Variants in AKAP10 observed in about 807,000 individuals in gnomAD.
AKAP10 encodes A-kinase anchor protein 10, mitochondrial.
AKAP10 carries 24 observed loss-of-function variants against 80.8 expected under a neutral mutation model. That is an observed-to-expected ratio of 0.30 (90% CI 0.22 to 0.42). The LOEUF (loss-of-function observed/expected upper bound fraction) is 0.42, where lower values mean the gene tolerates loss of function less well. Ranked by LOEUF, AKAP10 falls within the 10% of genes least tolerant of loss-of-function variation. The probability of loss-of-function intolerance (pLI) is 1.00; values close to 1 mark genes in which losing one functional copy is unlikely to be tolerated. For missense variants in AKAP10, 661 were observed against 794.9 expected (o/e 0.83, Z 2.03); for synonymous variants, 291 against 277.7 (o/e 1.05, Z -0.48).
At chr17:19,910,485 T>C (rs991156165) in intron 12 of AKAP10, among the ~76,000 whole-genome samples, 9 of 152,202 alleles carry the variant, frequency 5.9e-5, no homozygotes, top group African/African-American at 1.9e-4. Context: ...TAACAGAGCA[T>C]TTAACTTGCA....
At chr17:19,937,416 C>A (rs1045439441) in intron 8 of AKAP10, among the ~76,000 whole-genome samples, 1 of 152,062 alleles carries the variant, frequency 6.6e-6, no homozygotes, top group African/African-American at 2.4e-5. Context: ...GCAGGAGAAC[C>A]GCTTGAACCC....
intron 4 of AKAP10, among the ~76,000 whole-genome samples, chr17:19,952,519 T>C (rs537920943): frequency 6.6e-6 from 1 of 151,876 alleles, no homozygotes; most frequent in Non-Finnish European, 1.5e-5. Context: ...TACCCAACTA[T>C]ATGCTGCCTA....
intron 1 of AKAP10, among the ~76,000 whole-genome samples, chr17:19,970,548 C>T (rs903957547): frequency 1.3e-5 from 2 of 152,194 alleles, no homozygotes; most frequent in Non-Finnish European, 2.9e-5. Flanking sequence ...CCTGGCCAAG[C>T]GCAGTGGCTC....
intron 3 of AKAP10, among the ~76,000 whole-genome samples, chr17:19,962,054 T>G (rs1252247341): frequency 6.6e-6 from 1 of 152,110 alleles, no homozygotes; most frequent in Non-Finnish European, 1.5e-5. Context: ...AGGTGAAGGC[T>G]GCAGTGAACC....
intron 5 of AKAP10, among the ~76,000 whole-genome samples, chr17:19,942,221 T>C (rs1216697722): frequency 6.6e-6 from 1 of 152,128 alleles, no homozygotes; most frequent in Non-Finnish European, 1.5e-5. Context: ...AAGGTTACTA[T>C]CATTAAAATA....
intron 12 of AKAP10, among the ~76,000 whole-genome samples, chr17:19,918,469 G>A (rs192111924): frequency 2.6e-5 from 4 of 152,278 alleles, no homozygotes; most frequent in African/African-American, 7.2e-5. Flanking sequence ...GGAGGCGGGT[G>A]CACAGGCATG....
chr17:19,947,396 G>A lies in AKAP10; in HGVS notation c.976+11C>T, dbSNP rs781742939. The stretch of plus-strand genomic sequence containing the variant: ...CATTTTTTTTTTGCCATAGTTTCAA[G>A]CACTGCTTACCTATGATGTCATTTC... On this transcript the variant is annotated intron_variant, in intron 5 of 14. Coordinates refer to ENST00000225737, the MANE Select transcript of AKAP10 (RefSeq NM_007202.4). 6.4e-7 allele frequency: 1 copy of A among 1,574,206 alleles called. No individual in the cohort carries two copies. Among genetic ancestry groups the A allele is most frequent in the Non-Finnish European group, 8.7e-7 (1 of 1,148,138 alleles).
At chr17:19,971,099 C>G (rs1159864773) in intron 1 of AKAP10, among the ~76,000 whole-genome samples, 1 of 151,892 alleles carries the variant, frequency 6.6e-6, no homozygotes, top group Non-Finnish European at 1.5e-5. Context: ...GATCCTCCTG[C>G]CTCAGCCTCC....
chr17:19,953,439 AAAC>A (rs1230869863), intron 4 of AKAP10, among the ~76,000 whole-genome samples: 4 of 152,146 alleles, frequency 2.6e-5, no homozygotes, highest in Non-Finnish European at 5.9e-5. Context: ...ATTGAAAACA[AAAC>A]AACAGAAAAA....
chr17:19,912,261 A>T (rs2042699075), intron 12 of AKAP10, among the ~76,000 whole-genome samples: 1 of 152,148 alleles, frequency 6.6e-6, no homozygotes, highest in Non-Finnish European at 1.5e-5. Context: ...CTAAAAATAC[A>T]AAAATAGGCG....
chr17:19,936,462 A>T, intron 8 of AKAP10, 32 bp from the exon 9 acceptor site: 4 of 1,580,444 alleles, frequency 2.5e-6, no homozygotes, highest in Non-Finnish European at 3.5e-6. Context: ...AGTAAAATCA[A>T]ATTCCATAGC....
chr17:19,960,797 G>A (rs1298949451), intron 3 of AKAP10, among the ~76,000 whole-genome samples: 5 of 144,142 alleles, frequency 3.5e-5, no homozygotes, highest in African/African-American at 7.8e-5. Context: ...AGGCCGAGGC[G>A]GGCTGATCAC....
In AKAP10 at chr17:19,911,835, CAAAAAAAAAAAAAAAA is replaced by C. The variant is rs71157844; in HGVS notation, c.1835-1873_1835-1858del. ...CGGCAACAAGAGCAAAACTCTGTCACAAAAAAAAAAAAAAAAAAAAAAAAAAAAAAAAAAGAAATCT... is the reference window on the plus strand; with the variant it reads ...CGGCAACAAGAGCAAAACTCTGTCACAAAAAAAAAAAAAAAAAAGAAATCT... On this transcript the variant is annotated intron_variant, in intron 12 of 14. Coordinates refer to ENST00000225737, the MANE Select transcript of AKAP10 (RefSeq NM_007202.4). Among the ~76,000 whole-genome samples the C allele has an allele frequency of 8.9e-3, 489 of 55,032 alleles. 4 individuals are homozygous for C. Among genetic ancestry groups the C allele is most frequent in the African/African-American group, 0.018 (337 of 19,108 alleles). 36.1% of individuals were successfully genotyped at this position (55,032 alleles called of 152,430 possible). A position where few individuals can be genotyped will look rare whatever the true frequency, so the allele number is the denominator to read the frequency against.
chr17:19,912,985 T>C (rs1273090958), intron 12 of AKAP10, among the ~76,000 whole-genome samples: 1 of 151,692 alleles, frequency 6.6e-6, no homozygotes, highest in Non-Finnish European at 1.5e-5. Context: ...TTCTTTCTTT[T>C]TTTTTTTTTT....
intron 12 of AKAP10, among the ~76,000 whole-genome samples, chr17:19,917,626 C>A (rs1183862970): frequency 2.0e-5 from 3 of 152,146 alleles, no homozygotes; most frequent in Non-Finnish European, 4.4e-5. Flanking sequence ...CAGGTATGAA[C>A]CACCATGCAG....
In AKAP10 at chr17:19,936,373, T is replaced by C; in HGVS notation, c.1380A>G (p.Glu460=). 1 of 1,613,606 alleles carries C rather than the reference T, an allele frequency of 6.2e-7. No homozygotes were observed. The highest frequency in any genetic ancestry group is 8.5e-7 in the Non-Finnish European group (1 of 1,179,562). Residue 460 remains glutamate, a synonymous_variant, in exon 9 of 15, where the codon GAA becomes GAG. Coordinates refer to ENST00000225737, the MANE Select transcript of AKAP10 (RefSeq NM_007202.4). Reference sequence around the variant, plus strand: ...CTTCCCTGCAGATATTGGATTCAATTTCTAATCGTACAACATCATCAAATC... The same window carrying C: ...CTTCCCTGCAGATATTGGATTCAATCTCTAATCGTACAACATCATCAAATC... The part of the protein sequence containing the change: ...PLGFDDVVRL[E]IESNICREGG...
intron 14 of AKAP10, among the ~76,000 whole-genome samples, chr17:19,908,209 T>C (rs1266028871): frequency 6.6e-6 from 1 of 152,226 alleles, no homozygotes; most frequent in Non-Finnish European, 1.5e-5. Flanking sequence ...TGCTGAATTT[T>C]GTTGTGTTAC....
chr17:19,910,732 T>C (rs1235208166), intron 12 of AKAP10, among the ~76,000 whole-genome samples: 1 of 152,130 alleles, frequency 6.6e-6, no homozygotes, highest in Non-Finnish European at 1.5e-5. Flanking sequence ...CCAGCTCCTA[T>C]ATAAAAGGGC....
chr17:19,947,545 C>G (rs564376411), intron 4 of AKAP10, 40 bp from the exon 5 acceptor site: 2 of 1,332,318 alleles, frequency 1.5e-6, no homozygotes, highest in East Asian at 2.3e-5. Flanking sequence ...CAAAAAGCAA[C>G]TTGGACTCCA....
Sources: allele counts gnomAD v4.1 joint callset (sites outside exome capture counted in the v4.1 genomes callset), GRCh38; gene constraint gnomAD v4.1.1; transcripts MANE v1.5; gene names NCBI Gene and HGNC (gene_info 2026-07-23, HGNC 2026-07-21).